PDE4B: variants seen among roughly 807,000 people sequenced by gnomAD.
PDE4B encodes 3',5'-cyclic-AMP phosphodiesterase 4B.
PDE4B carries 20 observed loss-of-function variants against 82.2 expected under a neutral mutation model. The ratio of observed to expected loss-of-function variants is 0.24; its 90% CI spans 0.17 to 0.35. The LOEUF (loss-of-function observed/expected upper bound fraction) is 0.35, where lower values mean the gene tolerates loss of function less well. Ranked by LOEUF, PDE4B falls within the 10% of genes least tolerant of loss-of-function variation. The pLI, the probability that PDE4B is intolerant of heterozygous loss-of-function variation, is 1.00. For synonymous variants in PDE4B, 320 were observed against 318.9 expected (o/e 1.00, Z -0.04); for missense variants, 655 against 907.2 (o/e 0.72, Z 3.57).
At position 66,024,977 on chromosome 1, in the gene PDE4B, T is replaced by C. The variant is rs534508238; in HGVS notation, c.281+106142T>C. Among the ~76,000 whole-genome samples, 13 of 152,124 alleles carry C rather than the reference T, an allele frequency of 8.5e-5. No individual in the cohort carries two copies. The South Asian group carries it at 2.7e-3, about 31-fold the overall frequency. The stretch of plus-strand genomic sequence containing the variant: ...TGAACTAAATAGATGTTTTTAAAGA[T>C]TTAACATAAGTATATATAGCTATAT... On this transcript the variant is annotated intron_variant, in intron 3 of 16. Transcript: ENST00000341517.
intron 1 of PDE4B, among the ~76,000 whole-genome samples, chr1:65,883,090 G>A (rs1214096934): frequency 6.6e-6 from 1 of 152,140 alleles, no homozygotes; most frequent in Non-Finnish European, 1.5e-5. Context: ...TAGGTTAAGA[G>A]AATTAGATGA....
intron 3 of PDE4B, among the ~76,000 whole-genome samples, chr1:66,214,943 C>A (rs1004175995): frequency 6.6e-6 from 1 of 152,022 alleles, no homozygotes; most frequent in Non-Finnish European, 1.5e-5. Flanking sequence ...AGGAATTAGA[C>A]AGAAGTAGAA....
At chr1:66,000,923 C>T (rs1271690679) in intron 3 of PDE4B, among the ~76,000 whole-genome samples, 2 of 152,118 alleles carry the variant, frequency 1.3e-5, no homozygotes, top group Admixed American at 6.5e-5. Flanking sequence ...TGGTGATGAT[C>T]TGTTTCCTGG....
intron 1 of PDE4B, among the ~76,000 whole-genome samples, chr1:65,818,640 A>ACATACATATATATATATG (rs1645912715): frequency 6.8e-6 from 1 of 146,514 alleles, no homozygotes; most frequent in Non-Finnish European, 1.5e-5. Context: ...AATGTTTAAT[A>ACATACATATATATATATG]CATACATATA....
chr1:66,107,581 A>C (rs1386293682), intron 3 of PDE4B, among the ~76,000 whole-genome samples: 4 of 151,976 alleles, frequency 2.6e-5, no homozygotes, highest in Non-Finnish European at 5.9e-5. Flanking sequence ...ATGACCAAAA[A>C]TACTTTTTAT....
chr1:65,993,901 G>A (rs892852851), intron 3 of PDE4B, among the ~76,000 whole-genome samples: 7 of 152,008 alleles, frequency 4.6e-5, no homozygotes, highest in South Asian at 2.1e-4. Context: ...GTAGGGTAAC[G>A]TCCTTAAACA....
At chr1:65,942,187 C>T (rs759896303) in intron 3 of PDE4B, among the ~76,000 whole-genome samples, 18 of 151,878 alleles carry the variant, frequency 1.2e-4, no homozygotes, top group African/African-American at 3.4e-4. Context: ...CCAGACACAC[C>T]GACCTCTTCA....
chr1:65,912,983 A>C (rs781352398), intron 1 of PDE4B, among the ~76,000 whole-genome samples: 1 of 152,204 alleles, frequency 6.6e-6, no homozygotes, highest in Non-Finnish European at 1.5e-5. Context: ...ATTCTTCATG[A>C]TCATTATTTG....
chr1:66,361,525 G>A lies in PDE4B; in HGVS notation c.842-90G>A, dbSNP rs552190875. The A allele has an allele frequency of 1.0e-4, 97 of 938,912 alleles. No homozygotes were observed. In the African/African-American group the frequency reaches 1.5e-3, roughly 14 times the overall value. 58.2% of individuals were successfully genotyped at this position (938,912 alleles called of 1,614,324 possible). On this transcript the variant is annotated intron_variant, in intron 9 of 16. Transcript: ENST00000341517. Reference sequence around the variant, plus strand: ...AGATTTTATTTTATAAGATTCTAAAGCTGTTATAGATGGTTAGAGTTGTTT... The same window carrying A: ...AGATTTTATTTTATAAGATTCTAAAACTGTTATAGATGGTTAGAGTTGTTT...
chr1:66,268,063 G>A (rs75762678), intron 7 of PDE4B, among the ~76,000 whole-genome samples: 3,625 of 152,208 alleles, frequency 0.024, 65 homozygotes, highest in Non-Finnish European at 0.036. Flanking sequence ...TTGAATTCAT[G>A]TATTTCAATT....
chr1:66,003,560 A>G (rs1651985950), intron 3 of PDE4B, among the ~76,000 whole-genome samples: 1 of 152,174 alleles, frequency 6.6e-6, no homozygotes, highest in Non-Finnish European at 1.5e-5. Context: ...AGTGTCATCA[A>G]ACTTATTTAT....
chr1:66,164,818 G>A (rs1413131751), intron 3 of PDE4B, among the ~76,000 whole-genome samples: 5 of 143,486 alleles, frequency 3.5e-5, no homozygotes, highest in East Asian at 2.1e-4. Flanking sequence ...GTGCAGTGGC[G>A]CGCAATCTCA....
chr1:66,240,188 T>C (rs1652782107), intron 3 of PDE4B, among the ~76,000 whole-genome samples: 1 of 152,266 alleles, frequency 6.6e-6, no homozygotes, highest in South Asian at 2.1e-4. Flanking sequence ...GTCAGTCTTG[T>C]TGAAGTTCGT....
At chr1:66,144,373 G>A (rs1329508781) in intron 3 of PDE4B, among the ~76,000 whole-genome samples, 8 of 152,094 alleles carry the variant, frequency 5.3e-5, no homozygotes, top group Admixed American at 6.6e-5. Context: ...AAACAAGCGC[G>A]TCAAAGTTAA....
At position 66,177,212 on chromosome 1, in the gene PDE4B, G is replaced by C. The variant is rs13374472; in HGVS notation, c.282-70248G>C. 8.4e-3 allele frequency among the ~76,000 whole-genome samples: 1,275 copies of C among 152,278 alleles called. 29 individuals are homozygous for C. The highest frequency in any genetic ancestry group is 0.029 in the African/African-American group (1,197 of 41,558). ...AGAGAAAGATAAAACCTACAGTATGGTTATGTGTATTGTTTATTTCCGTCT... is the reference window on the plus strand; with the variant it reads ...AGAGAAAGATAAAACCTACAGTATGCTTATGTGTATTGTTTATTTCCGTCT... On this transcript the variant is annotated intron_variant, in intron 3 of 16. Coordinates refer to ENST00000341517, the MANE Select transcript of PDE4B (RefSeq NM_002600.4).
intron 1 of PDE4B, among the ~76,000 whole-genome samples, chr1:65,833,063 A>G (rs1646100867): frequency 6.6e-6 from 1 of 152,212 alleles, no homozygotes; most frequent in Admixed American, 6.5e-5. Flanking sequence ...ATGAGTGAGA[A>G]ATAAATGATT....
chr1:66,096,082 T>G (rs1405853752), intron 3 of PDE4B, among the ~76,000 whole-genome samples: 4 of 151,808 alleles, frequency 2.6e-5, no homozygotes, highest in Non-Finnish European at 4.4e-5. Flanking sequence ...TTGACTATAG[T>G]CATCCTACAG....
chr1:65,931,765 C>A (rs1192169085), intron 3 of PDE4B, among the ~76,000 whole-genome samples: 1 of 152,170 alleles, frequency 6.6e-6, no homozygotes, highest in African/African-American at 2.4e-5. Context: ...CAGCTCAATG[C>A]CACATGATTG....
intron 3 of PDE4B, among the ~76,000 whole-genome samples, chr1:66,128,965 A>G (rs1291361835): frequency 6.6e-6 from 1 of 152,240 alleles, no homozygotes; most frequent in Non-Finnish European, 1.5e-5. Context: ...GGGAGCTACA[A>G]TCAAGATGAG....
Sources: allele counts gnomAD v4.1 joint callset (sites outside exome capture counted in the v4.1 genomes callset), GRCh38; gene constraint gnomAD v4.1.1; transcripts MANE v1.5; gene names NCBI Gene and HGNC (gene_info 2026-07-23, HGNC 2026-07-21).